The following PIAS1 variants were observed in gnomAD, a reference collection of about 807,000 sequenced individuals.
PIAS1 encodes the protein E3 SUMO-protein ligase PIAS1.
PIAS1 carries 6 observed loss-of-function variants against 71.3 expected under a neutral mutation model. The ratio of observed to expected loss-of-function variants is 0.08; its 90% CI spans 0.05 to 0.17. The LOEUF (loss-of-function observed/expected upper bound fraction) is 0.17. PIAS1 is among the 10% of genes least tolerant of loss of function. The pLI, the probability that PIAS1 is intolerant of heterozygous loss-of-function variation, is 1.00. For synonymous variants in PIAS1, 303 were observed against 292.9 expected, an observed-to-expected ratio of 1.03 and a Z score of -0.35; for missense variants, 555 against 793.6, an observed-to-expected ratio of 0.70 and a Z score of 3.61.
intron 1 of PIAS1, among the ~76,000 whole-genome samples, chr15:68,065,735 A>T (rs963399815): frequency 8.9e-6 from 1 of 112,476 alleles, no homozygotes; most frequent in Non-Finnish European, 1.9e-5. Flanking sequence ...TGCTTGAAGT[A>T]CTTTTTTTTT....
intron 2 of PIAS1, among the ~76,000 whole-genome samples, chr15:68,106,351 C>CAAAAA (rs11313083): frequency 6.5e-5 from 6 of 92,854 alleles, no homozygotes; most frequent in Admixed American, 1.2e-4. Flanking sequence ...ATGACCTTTG[C>CAAAAA]AAAAAAAAAA....
Position 68,072,226 on chromosome 15 carries a change from G to A in PIAS1, c.25-14080G>A, listed in dbSNP as rs546438627. ...ATCCTGGCTAACATGGTGAAACCCCGTCTCTACTAAAAATACAAAAAAAAT... is the reference window on the plus strand; with the variant it reads ...ATCCTGGCTAACATGGTGAAACCCCATCTCTACTAAAAATACAAAAAAAAT... On this transcript the variant is annotated intron_variant, in intron 1 of 13. Transcript: ENST00000249636. Among the ~76,000 whole-genome samples, 45 of 151,084 alleles carry A rather than the reference G, an allele frequency of 3.0e-4. No homozygotes were observed. In the East Asian group the frequency reaches 8.2e-3, roughly 27 times the overall value.
intron 2 of PIAS1, among the ~76,000 whole-genome samples, chr15:68,116,760 T>TTG (rs1366293471): frequency 1.3e-5 from 2 of 152,142 alleles, no homozygotes; most frequent in Admixed American, 1.3e-4. Flanking sequence ...ATCCCACAAC[T>TTG]TGTGATATTT....
chr15:68,086,371 G>A lies in PIAS1; in HGVS notation c.90G>A (p.Lys30=), dbSNP rs768729222. 1 of 1,613,552 alleles carries A rather than the reference G, an allele frequency of 6.2e-7. No homozygotes were observed. Among genetic ancestry groups the A allele is most frequent in the Non-Finnish European group, 8.5e-7 (1 of 1,179,678 alleles). ...QVLLGYAGRN[K]HGRKHELLTK... is the part of the protein sequence containing the mutation. ...TGTTGGGCTACGCCGGGAGAAACAA[G>A]CACGGACGCAAACACGAACTTCTCA... The change falls in exon 2 of 14, where the codon AAG becomes AAA. Residue 30 remains lysine, a synonymous_variant. Coordinates refer to ENST00000249636, the MANE Select transcript of PIAS1 (RefSeq NM_016166.3). The surrounding 1 kb of genome is among the most constrained non-coding windows in gnomAD (Gnocchi z 7.2).
At chr15:68,147,502 C>T (rs529542935) in intron 6 of PIAS1, among the ~76,000 whole-genome samples, 3 of 151,726 alleles carry the variant, frequency 2.0e-5, no homozygotes, top group African/African-American at 7.3e-5. Context: ...GTTTGTTGGC[C>T]TTTTATTTTT....
In PIAS1 at chr15:68,190,433, T is replaced by C. The variant is rs1055544741; in HGVS notation, c.*2598T>C. 3.9e-5 allele frequency: 6 copies of C among 152,220 alleles called. No individual in the cohort carries two copies. Among genetic ancestry groups the C allele is most frequent in the African/African-American group, 1.2e-4 (5 of 41,452 alleles). The allele number at this position is 152,220 out of a possible 1,614,324, so 9.4% of individuals were successfully genotyped here. A position where few individuals can be genotyped will look rare whatever the true frequency, so the allele number is the denominator to read the frequency against. On this transcript the variant is annotated 3_prime_UTR_variant, in exon 14 of 14. Transcript: ENST00000249636. The surrounding 1 kb of genome is among the most constrained non-coding windows in gnomAD (Gnocchi z 4.7). ...TAATTATTAGTAGAGTCCTGTACTA[T>C]GTCTGTAACTACTAAGTTTAAAGAA...
intron 8 of PIAS1, among the ~76,000 whole-genome samples, chr15:68,165,659 A>G (rs1275496736): frequency 6.6e-6 from 1 of 152,256 alleles, no homozygotes; most frequent in Non-Finnish European, 1.5e-5. Flanking sequence ...CCCAAGACTT[A>G]GCCAAATTAT....
rs565109547 is a variant in PIAS1, at chr15:68,132,385, G to GA, written c.470-9559dup. Among the ~76,000 whole-genome samples the GA allele has an allele frequency of 1.1e-3, 167 of 152,200 alleles. 1 individual carries two copies. Among genetic ancestry groups the GA allele is most frequent in the African/African-American group, 3.9e-3 (162 of 41,530 alleles). On this transcript the variant is annotated intron_variant, in intron 2 of 13. Transcript: ENST00000249636. ...AGCTACTCGGGAGGCTGAGGCAGGA[G>GA]AATCACTTGAACCTGGGAGGTGGAG...
intron 2 of PIAS1, among the ~76,000 whole-genome samples, chr15:68,088,355 TG>T (rs771004246): frequency 1.1e-4 from 16 of 151,752 alleles, no homozygotes; most frequent in Non-Finnish European, 2.1e-4. Context: ...ATACTTCCCC[TG>T]GTAGCAGTGA....
chr15:68,107,299 A>G (rs1289738378), intron 2 of PIAS1, among the ~76,000 whole-genome samples: 1 of 152,154 alleles, frequency 6.6e-6, no homozygotes, highest in African/African-American at 2.4e-5. Flanking sequence ...ATGCTTAGGT[A>G]TGGTCTCACT....
Position 68,187,672 on chromosome 15 carries a change from G to C in PIAS1, c.1793G>C (p.Ser598Thr), listed in dbSNP as rs762557878. 6.2e-7 allele frequency: 1 copy of C among 1,614,006 alleles called. No homozygotes were observed. Among genetic ancestry groups the C allele is most frequent in the South Asian group, 1.1e-5 (1 of 91,074 alleles). Residue 598 changes from serine to threonine, a missense_variant, in exon 14 of 14, where the codon AGT (serine) becomes ACT (threonine). By Grantham distance (58) the Ser-to-Thr change is moderately conservative. Coordinates refer to ENST00000249636, the MANE Select transcript of PIAS1 (RefSeq NM_016166.3). This position sits in a 1 kb window ranked among gnomAD's most constrained non-coding sequence, Gnocchi z 5.3. ...MFLDQLSAGG[S>T]TSLPTTNGSS... ...CTTGATCAGTTAAGTGCAGGAGGCA[G>C]TACTTCTCTGCCAACCACCAATGGA... is the stretch of plus-strand genomic sequence containing the variant.
At chr15:68,097,407 A>G (rs1567040392) in intron 2 of PIAS1, among the ~76,000 whole-genome samples, 1 of 152,002 alleles carries the variant, frequency 6.6e-6, no homozygotes, top group Non-Finnish European at 1.5e-5. Context: ...TTTAATTATA[A>G]AAGCATGTTG....
chr15:68,056,695 G>A (rs1381959677), intron 1 of PIAS1, among the ~76,000 whole-genome samples: 1 of 151,994 alleles, frequency 6.6e-6, no homozygotes, highest in East Asian at 1.9e-4. Context: ...GGTTAGATTT[G>A]CTGTTCTTTT....
chr15:68,060,389 C>G (rs1448691881), intron 1 of PIAS1, among the ~76,000 whole-genome samples: 2 of 152,034 alleles, frequency 1.3e-5, no homozygotes, highest in African/African-American at 2.4e-5. Context: ...CCAAGGTGGA[C>G]AGATCACGAG....
Position 68,145,852 on chromosome 15 carries a change from T to C in PIAS1, c.639T>C (p.Asp213=). 1 of 1,612,024 alleles carries C rather than the reference T, an allele frequency of 6.2e-7. No homozygotes were observed. The change falls in exon 5 of 14, where the codon GAT becomes GAC. Residue 213 remains aspartate (D), a synonymous_variant. Transcript: ENST00000249636. The stretch of plus-strand genomic sequence containing the variant: ...CAGAAACCAGTTGTCCACAAGAAGA[T>C]CACTTCCCACCCAATCTTTGTGTGA... The part of the protein sequence containing the change: ...CLSETSCPQE[D]HFPPNLCVKV...
intron 2 of PIAS1, among the ~76,000 whole-genome samples, chr15:68,107,868 G>T (rs950901792): frequency 6.6e-6 from 1 of 151,750 alleles, no homozygotes; most frequent in African/African-American, 2.4e-5. Context: ...TACATGGTTT[G>T]TAGGTAGTGA....
intron 1 of PIAS1, among the ~76,000 whole-genome samples, chr15:68,075,062 TTTTC>T (rs201513005): frequency 1.3e-4 from 18 of 139,086 alleles, no homozygotes; most frequent in African/African-American, 2.6e-4. Context: ...AATAAAAACA[TTTTC>T]TTTCTTTCTT....
chr15:68,056,004 T>A, intron 1 of PIAS1: 1 of 677,954 alleles, frequency 1.5e-6, no homozygotes. Context: ...GGTTTTGATT[T>A]TTCCCCAGTT....
intron 2 of PIAS1, among the ~76,000 whole-genome samples, chr15:68,091,265 T>A (rs1283274038): frequency 6.6e-6 from 1 of 152,136 alleles, no homozygotes; most frequent in African/African-American, 2.4e-5. Context: ...TCCTTTAATA[T>A]TGTTTTGTTT....
Sources: allele counts gnomAD v4.1 joint callset (sites outside exome capture counted in the v4.1 genomes callset), GRCh38; gene constraint gnomAD v4.1.1; non-coding constraint Gnocchi (gnomAD v3.1); transcripts MANE v1.5; gene names NCBI Gene and HGNC (gene_info 2026-07-23, HGNC 2026-07-21).